NBPF8: variants seen among roughly 807,000 people sequenced by gnomAD.
The protein encoded by NBPF8 is NBPF family member NBPF8.
chr1:120,419,577 A>T (rs1239399543), upstream of NBPF8, among the ~76,000 whole-genome samples: 3 of 152,210 alleles, frequency 2.0e-5, no homozygotes, highest in African/African-American at 7.2e-5. Flanking sequence ...TCCTGCCTCA[A>T]CCTTCAGAGT....
intron 1 of NBPF8, among the ~76,000 whole-genome samples, chr1:120,420,906 C>T (rs1207313308): frequency 8.2e-5 from 12 of 146,504 alleles, no homozygotes; most frequent in Middle Eastern, 3.2e-3. Flanking sequence ...AGGGGCATGG[C>T]CTGTTTGTAT....
intron 1 of NBPF8, among the ~76,000 whole-genome samples, 128 bp downstream of exon 2, chr1:120,420,246 C>A (rs1472187714): frequency 1.3e-5 from 2 of 152,060 alleles, no homozygotes; most frequent in Non-Finnish European, 2.9e-5. Context: ...GAAACAGATA[C>A]TGAATTAATA....
upstream of NBPF8, among the ~76,000 whole-genome samples, chr1:120,419,489 TA>T (rs1660515015): frequency 6.6e-6 from 1 of 151,914 alleles, no homozygotes; most frequent in African/African-American, 2.4e-5. Context: ...CAGGACTCTT[TA>T]TTTTTTTTTC....
upstream of NBPF8, among the ~76,000 whole-genome samples, chr1:120,435,916 T>A (rs1194546349): frequency 1.3e-5 from 2 of 151,638 alleles, no homozygotes; most frequent in African/African-American, 4.8e-5. Context: ...ATTCCATTTT[T>A]TTATTTATGA....
At chr1:120,419,147 CA>C (rs1372270030), upstream of NBPF8, among the ~76,000 whole-genome samples, 4 of 152,178 alleles carry the variant, frequency 2.6e-5, no homozygotes, top group Non-Finnish European at 5.9e-5. Context: ...CAGTTTTCAC[CA>C]TCTAACAAAT....
exon 25 of NBPF8, chr1:120,466,315 C>G (rs1422718172): frequency 2.0e-4 from 306 of 1,538,112 alleles, no homozygotes; most frequent in Non-Finnish European, 2.6e-4. Context: ...TTTGGAAGCC[C>G]AGACATAGGA....
downstream of NBPF8, among the ~76,000 whole-genome samples, chr1:120,467,931 G>C: frequency 6.6e-6 from 1 of 150,854 alleles, no homozygotes. Context: ...CTAGTCATTT[G>C]TATTCTTCGT....
At chr1:120,426,175 A>G (rs1373882994) in intron 2 of NBPF8, among the ~76,000 whole-genome samples, 4 of 148,334 alleles carry the variant, frequency 2.7e-5, no homozygotes, top group Admixed American at 1.3e-4. Context: ...TTTGTGGGGG[A>G]CTGAGGGCCC....
chr1:120,434,293 ATATATATACACGTATG>A (rs1404447756), upstream of NBPF8, among the ~76,000 whole-genome samples: 1 of 147,408 alleles, frequency 6.8e-6, no homozygotes, highest in Non-Finnish European at 1.5e-5. Flanking sequence ...CACGTATTAT[ATATATATACACGTATG>A]TATATACACG....
rs1355940418 is a variant in NBPF8 at position 120,430,799 on chromosome 1, G to A, written n.510+2952G>A. Among the ~76,000 whole-genome samples the A allele has an allele frequency of 2.9e-5, 4 of 139,958 alleles. No homozygotes were observed. The East Asian group carries it at 8.3e-4, about 29-fold the overall frequency. The allele number at this position is 139,958 out of a possible 152,430, so 91.8% of individuals were successfully genotyped here. A position where few individuals can be genotyped will look rare whatever the true frequency, so the allele number is the denominator to read the frequency against. On this transcript the variant is annotated intron_variant and non_coding_transcript_variant, in intron 3 of 28. Transcript: ENST00000652355. ...AGGAAAGTCAACAAAATTTATGTAA[G>A]GCCAGTACACCAAAAACTATAAAAA... is the stretch of plus-strand genomic sequence containing the variant.
chr1:120,428,155 C>T (rs1447080559), intron 3 of NBPF8, among the ~76,000 whole-genome samples: 1,654 of 151,762 alleles, frequency 0.011, 9 homozygotes, highest in South Asian at 0.025. Flanking sequence ...GTTGTCTGTC[C>T]CCTCCCTTTA....
intron 18 of NBPF8, 77 bp downstream of exon 16, chr1:120,460,701 C>T (rs1661560030): frequency 5.6e-6 from 5 of 894,652 alleles, no homozygotes; most frequent in Admixed American, 1.7e-5. Flanking sequence ...ACAGTACATG[C>T]TGAAAATAAT....
At chr1:120,468,563 A>T (rs1347904260), downstream of NBPF8, among the ~76,000 whole-genome samples, 2 of 150,844 alleles carry the variant, frequency 1.3e-5, no homozygotes, top group African/African-American at 4.9e-5. Context: ...CAGGACCTCT[A>T]ATTTCTGCCA....
In NBPF8 at chr1:120,454,115, G is replaced by C. The variant is rs1661365896; in HGVS notation, n.2568+1G>C. On this transcript the variant is annotated splice_donor_variant and non_coding_transcript_variant, in intron 15 of 24. Transcript: ENST00000583271. ...GAGGATGCTGTACACATTATTCCAG[G>C]TAGCCTCTGTTTTCCTTGTGTCTCA... 1.9e-6 allele frequency: 3 copies of C among 1,612,544 alleles called. No individual in the cohort carries two copies. The highest frequency in any genetic ancestry group is 2.5e-6 in the Non-Finnish European group (3 of 1,179,856).
At chr1:120,451,375 C>G (rs1160510818) in intron 12 of NBPF8, 93 bp downstream of exon 10, 1 of 232,374 alleles carries the variant, frequency 4.3e-6, no homozygotes, top group Non-Finnish European at 8.0e-6. Flanking sequence ...TAAGCTGGGC[C>G]AGGGGAAGGG....
chr1:120,449,836 A>C, intron 11 of NBPF8, among the ~76,000 whole-genome samples: 1 of 152,304 alleles, frequency 6.6e-6, no homozygotes, highest in South Asian at 2.1e-4. Flanking sequence ...AGTGACTCTG[A>C]GGGAAACTTG....
intron 15 of NBPF8, 65 bp from the exon 14 acceptor site, chr1:120,455,344 G>A: frequency 1.4e-6 from 1 of 709,966 alleles, no homozygotes; most frequent in South Asian, 1.4e-5. Flanking sequence ...TGATTGGACA[G>A]TGATTTGTTC....
At chr1:120,419,273 C>A (rs1414153281), upstream of NBPF8, among the ~76,000 whole-genome samples, 4 of 152,212 alleles carry the variant, frequency 2.6e-5, no homozygotes, top group Admixed American at 2.6e-4. Context: ...GTTACTGTAG[C>A]ATAACCTAGC....
chr1:120,462,294 C>T (rs1309008467), intron 20 of NBPF8, 97 bp downstream of exon 18: 48 of 669,194 alleles, frequency 7.2e-5, no homozygotes, highest in African/African-American at 4.4e-4. Flanking sequence ...ATGTTTTCAA[C>T]GAAGGTTGAA....
Sources: gnomAD v4.1 joint callset for allele counts (sites outside exome capture counted in the v4.1 genomes callset) on GRCh38, gnomAD v4.1.1 for gene constraint, MANE v1.5 for transcripts, NCBI Gene and HGNC (gene_info 2026-07-23, HGNC 2026-07-21) for gene names.